Variants in NELFA observed in about 807,000 individuals in gnomAD.
NELFA encodes negative elongation factor A.
A neutral mutation model predicts 51.8 loss-of-function variants in NELFA; 35 were observed. The ratio of observed to expected loss-of-function variants is 0.68; its 90% CI spans 0.52 to 0.90. The LOEUF (loss-of-function observed/expected upper bound fraction) is 0.90. Ranked by LOEUF, NELFA falls within the 40% of genes least tolerant of loss-of-function variation. The pLI is 0.00. For synonymous variants in NELFA, 417 were observed against 338.4 expected (o/e 1.23, Z -2.55); for missense variants, 658 against 746.4 (o/e 0.88, Z 1.38).
At position 1,992,884 on chromosome 4, in the gene NELFA, AC is replaced by A. The variant is rs1261608683; in HGVS notation, c.211-1170del. The stretch of plus-strand genomic sequence containing the variant: ...ACCCAGCTGCCCTCAGGAGTCAAGA[AC>A]CCCCCGCGTGGCCCAGCCCCTTCTG... On this transcript the variant is annotated intron_variant, in intron 1 of 10. Transcript: ENST00000382882. 2.6e-5 allele frequency among the ~76,000 whole-genome samples: 4 copies of A among 151,484 alleles called. No individual in the cohort carries two copies. In the East Asian group the frequency reaches 7.8e-4, roughly 29 times the overall value.
chr4:1,983,079 T>G lies in NELFA; in HGVS notation c.*240A>C, dbSNP rs1338539600. ...AATTTACTTACTACATTCAAAAATG[T>G]AACGTTGAGTCCAAAAAGTGTCTTA... On this transcript the variant is annotated 3_prime_UTR_variant, in exon 11 of 11. Coordinates refer to ENST00000382882, the MANE Select transcript of NELFA (RefSeq NM_005663.5). The G allele has an allele frequency of 4.8e-6, 2 of 418,414 alleles. No individual in the cohort carries two copies. Among genetic ancestry groups the G allele is most frequent in the Non-Finnish European group, 8.4e-6 (2 of 237,496 alleles). The allele number at this position is 418,414 out of a possible 1,614,324, so 25.9% of individuals were successfully genotyped here.
At chr4:1,992,429 G>C (rs1402424901) in intron 1 of NELFA, 5 of 415,752 alleles carry the variant, frequency 1.2e-5, no homozygotes, top group Non-Finnish European at 2.4e-5. Flanking sequence ...ATCCACACCA[G>C]GGCCTGCTTC....
chr4:1,999,151 A>G (rs1007764279), intron 1 of NELFA, among the ~76,000 whole-genome samples: 1 of 151,890 alleles, frequency 6.6e-6, no homozygotes, highest in Non-Finnish European at 1.5e-5. Context: ...GGAAAGAAGC[A>G]CTAAATATGG....
intron 1 of NELFA, chr4:2,007,162 G>T: frequency 4.7e-6 from 2 of 426,124 alleles, no homozygotes; most frequent in South Asian, 3.3e-5. Flanking sequence ...AGTCACGATG[G>T]TGCCACTGCA....
chr4:1,986,657 G>T (rs1728110007), intron 4 of NELFA: 3 of 481,832 alleles, frequency 6.2e-6, no homozygotes, highest in Non-Finnish European at 1.1e-5. Context: ...ATCTCACCAG[G>T]TGGAGTCTCT....
At chr4:1,998,052 T>C (rs1728478395) in intron 1 of NELFA, among the ~76,000 whole-genome samples, 1 of 151,964 alleles carries the variant, frequency 6.6e-6, no homozygotes, top group Non-Finnish European at 1.5e-5. Flanking sequence ...AAGAGGGACA[T>C]GACTACGGCA....
rs1000374646 is a variant in NELFA, at chr4:1,989,429, G to A, written c.544+279C>T. ...TGCAGCCTCAACCTCGTGGGCTCAGGTGATCCTCCTACCTCAGCCTTCCGA... is the reference window on the plus strand; with the variant it reads ...TGCAGCCTCAACCTCGTGGGCTCAGATGATCCTCCTACCTCAGCCTTCCGA... On this transcript the variant is annotated intron_variant, in intron 3 of 10. Coordinates refer to ENST00000382882, the MANE Select transcript of NELFA (RefSeq NM_005663.5). The surrounding 1 kb of genome is among the most constrained non-coding windows in gnomAD (Gnocchi z 4.8). Among the ~76,000 whole-genome samples, 1 of 152,156 alleles carries A rather than the reference G, an allele frequency of 6.6e-6. No homozygotes were observed. The highest frequency in any genetic ancestry group is 1.5e-5 in the Non-Finnish European group (1 of 68,020).
Position 1,987,447 on chromosome 4 carries a change from G to A in NELFA, c.634+471C>T, listed in dbSNP as rs142191450. On this transcript the variant is annotated intron_variant, in intron 4 of 10. Coordinates refer to ENST00000382882, the MANE Select transcript of NELFA (RefSeq NM_005663.5). ...TCAGGAAGGGCAGATGGAGGGGTGCGGGGGGCACAGCCCCACGGGCAGCTG... is the reference window on the plus strand; with the variant it reads ...TCAGGAAGGGCAGATGGAGGGGTGCAGGGGGCACAGCCCCACGGGCAGCTG... The A allele has an allele frequency of 3.1e-3, 494 of 157,706 alleles. 3 individuals are homozygous for A. The highest frequency in any genetic ancestry group is 5.4e-3 in the South Asian group (27 of 5,008). 9.8% of individuals were successfully genotyped at this position (157,706 alleles called of 1,614,324 possible). A position where few individuals can be genotyped will look rare whatever the true frequency, so the allele number is the denominator to read the frequency against.
chr4:1,998,176 C>A (rs758546657), intron 1 of NELFA, among the ~76,000 whole-genome samples: 1 of 152,056 alleles, frequency 6.6e-6, no homozygotes, highest in Non-Finnish European at 1.5e-5. Context: ...GACAAACTCA[C>A]GAAGATGAGA....
rs148424683 is a variant in NELFA at position 1,991,668 on chromosome 4, C to T, written c.258G>A (p.Ser86=). 5.0e-6 allele frequency: 8 copies of T among 1,612,636 alleles called. No individual in the cohort carries two copies. The Admixed American group carries it at 5.0e-5, about 10-fold the overall frequency. ...CGGCGACCATGAGCACCCAGGGGTCCGAGTCGAGGCTGGCGAGCTGGATGA... is the reference window on the plus strand; with the variant it reads ...CGGCGACCATGAGCACCCAGGGGTCTGAGTCGAGGCTGGCGAGCTGGATGA... The part of the protein sequence containing the change: ...MEIIQLASLD[S]DPWVLMVADI... Residue 86 remains serine, a synonymous_variant, in exon 2 of 11, where the codon TCG becomes TCA. Transcript: ENST00000382882.
Position 1,983,368 on chromosome 4 carries a change from C to G in NELFA, c.1538G>C (p.Gly513Ala). ...DTVFEMNYAT[G>A]QWTRFKKYKP... ...GTACTTCTTGAAGCGCGTCCACTGGCCCGTGGCATAGTTCATCTCAAACAC... is the reference window on the plus strand; with the variant it reads ...GTACTTCTTGAAGCGCGTCCACTGGGCCGTGGCATAGTTCATCTCAAACAC... Residue 513 changes from glycine to alanine, a missense_variant, in exon 11 of 11, where the codon GGC (glycine) becomes GCC (alanine). Physicochemically the swap from Gly to Ala is moderately conservative, Grantham distance 60. Transcript: ENST00000382882. 6.2e-7 allele frequency: 1 copy of G among 1,614,226 alleles called. No individual in the cohort carries two copies. Among genetic ancestry groups the G allele is most frequent in the Non-Finnish European group, 8.5e-7 (1 of 1,180,036 alleles).
chr4:1,993,529 G>C (rs1042965511), intron 1 of NELFA, among the ~76,000 whole-genome samples: 6 of 147,592 alleles, frequency 4.1e-5, no homozygotes, highest in African/African-American at 1.5e-4. Context: ...CGTGAGCTGA[G>C]ATCGCACCAT....
rs1178003531 is a variant in NELFA, at chr4:2,001,898, G to C, written c.210+6852C>G. On this transcript the variant is annotated intron_variant, in intron 1 of 10. Coordinates refer to ENST00000382882, the MANE Select transcript of NELFA (RefSeq NM_005663.5). ...AGCCTGGCCGACAGAGCGAGACTCT[G>C]TCTCAAAAGAAAAAAAAAAAGGCCA... is the stretch of plus-strand genomic sequence containing the variant. Among the ~76,000 whole-genome samples the C allele has an allele frequency of 8.1e-4, 93 of 114,580 alleles. 1 individual carries two copies. The highest frequency in any genetic ancestry group is 3.8e-4 in the Non-Finnish European group (21 of 55,114). 75.2% of individuals were successfully genotyped at this position (114,580 alleles called of 152,430 possible). A position where few individuals can be genotyped will look rare whatever the true frequency, so the allele number is the denominator to read the frequency against.
rs757664937 is a variant in NELFA, at chr4:1,983,636, G to C, written c.1362C>G (p.Pro454=). Residue 454 remains proline (P), a synonymous_variant, in exon 10 of 11, where the codon CCC becomes CCG. Coordinates refer to ENST00000382882, the MANE Select transcript of NELFA (RefSeq NM_005663.5). ...TGAAGCCCAGGATGAGGGCCTTCTC[G>C]GGCCGCGTGACTTTGTTGGCCGTCT... ...MFKTANKVTR[P]EKALILGFMA... 1 of 1,613,960 alleles carries C rather than the reference G, an allele frequency of 6.2e-7. No homozygotes were observed. The highest frequency in any genetic ancestry group is 8.5e-7 in the Non-Finnish European group (1 of 1,180,010).
chr4:1,998,388 A>T (rs1039822434), intron 1 of NELFA, among the ~76,000 whole-genome samples: 1 of 152,164 alleles, frequency 6.6e-6, no homozygotes, highest in Non-Finnish European at 1.5e-5. Context: ...CAATGCAAAG[A>T]AGCTAAGAAC....
Position 1,986,563 on chromosome 4 carries a change from G to A in NELFA, c.635-161C>T, listed in dbSNP as rs540192752. On this transcript the variant is annotated intron_variant, in intron 4 of 10. Transcript: ENST00000382882. The stretch of plus-strand genomic sequence containing the variant: ...GGACCCCCAGGATCCCGGACCTCAA[G>A]GAGCAGGGGAACGCCTGGAGCCACG... 6.9e-6 allele frequency: 8 copies of A among 1,165,362 alleles called. No individual in the cohort carries two copies. The African/African-American group carries it at 1.2e-4, about 18-fold the overall frequency. 72.2% of individuals were successfully genotyped at this position (1,165,362 alleles called of 1,614,324 possible). A position where few individuals can be genotyped will look rare whatever the true frequency, so the allele number is the denominator to read the frequency against.
rs748033335 is a variant in NELFA, at chr4:1,985,840, G to A, written c.860C>T (p.Ala287Val). ...GTTCTCCACCACCGTTTCCTCCTTGGCCGGCTTCTCCACCACCTCCGCATC... is the reference window on the plus strand; with the variant it reads ...GTTCTCCACCACCGTTTCCTCCTTGACCGGCTTCTCCACCACCTCCGCATC... ...TLDAEVVEKP[A>V]KEETVVENAT... Residue 287 changes from alanine (A) to valine (V), a missense_variant, in exon 7 of 11, where the codon GCC becomes GTC. Around this residue, in one of 3 missense-constraint regions of NELFA, gnomAD observed 371 missense variants for 448.3 expected, o/e 0.83. Coordinates refer to ENST00000382882, the MANE Select transcript of NELFA (RefSeq NM_005663.5). The A allele has an allele frequency of 6.2e-7, 1 of 1,613,182 alleles. No individual in the cohort carries two copies. Among genetic ancestry groups the A allele is most frequent in the Non-Finnish European group, 8.5e-7 (1 of 1,179,714 alleles).
chr4:2,008,678 G>A (rs1728780680), intron 1 of NELFA, 72 bp downstream of exon 1: 1 of 1,525,238 alleles, frequency 6.6e-7, no homozygotes, highest in South Asian at 1.2e-5. Flanking sequence ...AGGAGGGTCC[G>A]GAGTTGGGTG....
intron 6 of NELFA, 94 bp from the exon 7 acceptor site, chr4:1,985,958 G>C (rs1728078203): frequency 1.5e-6 from 2 of 1,347,834 alleles, no homozygotes; most frequent in Non-Finnish European, 2.0e-6. Context: ...TCCCAGGGGA[G>C]GCCACCAAGG....
Sources: gnomAD v4.1 joint callset for allele counts (sites outside exome capture counted in the v4.1 genomes callset) on GRCh38, gnomAD v4.1.1 for gene constraint, gnomAD v4.1.1 regional missense constraint, Gnocchi (gnomAD v3.1) non-coding constraint, MANE v1.5 for transcripts, NCBI Gene and HGNC (gene_info 2026-07-23, HGNC 2026-07-21) for gene names.